The following XIRP2 variants were observed in gnomAD, a reference collection of about 807,000 sequenced individuals.
XIRP2 encodes xin actin binding repeat containing 2, also known as xin actin-binding repeat-containing protein 2.
Under a neutral mutation model 277.0 loss-of-function variants are expected in XIRP2, and 236 were observed. That is an observed-to-expected ratio of 0.85 (90% CI 0.77 to 0.95). XIRP2 has a LOEUF of 0.95. XIRP2 is among the 40% of genes least tolerant of loss of function. The probability of loss-of-function intolerance (pLI) is 0.00; values close to 1 mark genes in which losing one functional copy is unlikely to be tolerated. For synonymous variants in XIRP2, 1,490 were observed against 1,416.5 expected (o/e 1.05, Z -1.17); for missense variants, 4,640 against 4,157.5 (o/e 1.12, Z -3.19).
In XIRP2 at chr2:166,945,460, C is replaced by CA. The variant is rs142611563; in HGVS notation, c.408+41577dup. Among the ~76,000 whole-genome samples the CA allele has an allele frequency of 6.2e-3, 935 of 151,526 alleles. 61 individuals are homozygous for CA. The East Asian group carries it at 0.14, about 23-fold the overall frequency. ...GAGAGCTGTAAAAAGTAAATTGGCT[C>CA]AAAAAAACCTTAAAAATCAAAAAAA... On this transcript the variant is annotated intron_variant, in intron 2 of 10. Transcript: ENST00000409195.
At chr2:166,918,189 G>A (rs564490627) in intron 2 of XIRP2, among the ~76,000 whole-genome samples, 1 of 152,298 alleles carries the variant, frequency 6.6e-6, no homozygotes, top group Admixed American at 6.5e-5. Flanking sequence ...GTAAATGGAA[G>A]TTTATCCACC....
intron 2 of XIRP2, among the ~76,000 whole-genome samples, chr2:167,098,121 T>C (rs1217415311): frequency 6.6e-6 from 1 of 152,228 alleles, no homozygotes; most frequent in Non-Finnish European, 1.5e-5. Context: ...GAGGTTCTCG[T>C]GGATAATATC....
At chr2:167,158,526 T>C (rs1396922484) in intron 3 of XIRP2, among the ~76,000 whole-genome samples, 2 of 152,106 alleles carry the variant, frequency 1.3e-5, no homozygotes, top group Non-Finnish European at 2.9e-5. Context: ...CCAGGAATGG[T>C]GGGATAGAAA....
chr2:166,972,653 T>C lies in XIRP2; in HGVS notation c.408+68763T>C, dbSNP rs868827920. On this transcript the variant is annotated intron_variant, in intron 2 of 10. Transcript: ENST00000409195. ...AAAATGGAGGCTCTGGTAACTTTAT[T>C]TAAATAGTAAAGCAGTTATTTGATG... 5.3e-5 allele frequency among the ~76,000 whole-genome samples: 8 copies of C among 152,284 alleles called. No homozygotes were observed. In the Middle Eastern group the frequency reaches 0.024, roughly 453 times the overall value.
chr2:167,034,334 A>G (rs1231897063), intron 2 of XIRP2, among the ~76,000 whole-genome samples: 1 of 152,098 alleles, frequency 6.6e-6, no homozygotes, highest in Non-Finnish European at 1.5e-5. Flanking sequence ...AAAACATACC[A>G]CCAGAAAAAA....
At chr2:167,082,408 A>G (rs10205854) in intron 2 of XIRP2, among the ~76,000 whole-genome samples, 146,856 of 151,820 alleles carry the variant, frequency 0.97, 71,089 homozygotes, top group Non-Finnish European at 0.99. Flanking sequence ...ATAAACATAC[A>G]TGTGCATGTG....
chr2:167,249,543 T>C lies in XIRP2; in HGVS notation c.8151T>C (p.Thr2717=), dbSNP rs887127505. ...NFKVKTIKLP[T]LDHTLNETDH... ...AAGTTAAAACCATCAAACTTCCAAC[T>C]CTAGATCATACATTAAATGAAACAG... The change falls in exon 9 of 11, where the codon ACT becomes ACC. Residue 2717 remains threonine, a synonymous_variant. Transcript: ENST00000409195. 5 of 1,613,522 alleles carry C rather than the reference T, an allele frequency of 3.1e-6. No homozygotes were observed. In the African/African-American group the frequency reaches 5.3e-5, roughly 17 times the overall value.
intron 1 of XIRP2, among the ~76,000 whole-genome samples, chr2:166,900,293 C>G (rs72882741): frequency 0.25 from 38,100 of 151,832 alleles, 4,918 homozygotes; most frequent in Admixed American, 0.3. Flanking sequence ...TTTAAATGTT[C>G]GTTATTTCTA....
Position 167,257,937 on chromosome 2 carries a change from A to T in XIRP2, c.*120A>T. ...CAACTTTTCAAATCCAAAGGAAATT[A>T]TGATGAAGGTTTTGGACATAAGCAG... is the stretch of plus-strand genomic sequence containing the variant. On this transcript the variant is annotated 3_prime_UTR_variant, in exon 11 of 11. Coordinates refer to ENST00000409195, the MANE Select transcript of XIRP2 (RefSeq NM_152381.6). 2 of 1,612,772 alleles carry T rather than the reference A, an allele frequency of 1.2e-6. No homozygotes were observed. Among genetic ancestry groups the T allele is most frequent in the Non-Finnish European group, 1.7e-6 (2 of 1,179,312 alleles).
chr2:166,924,805 A>C (rs1175081039), intron 2 of XIRP2, among the ~76,000 whole-genome samples: 1 of 152,086 alleles, frequency 6.6e-6, no homozygotes, highest in South Asian at 2.1e-4. Context: ...TTTAAGAGTA[A>C]TGGGAGAATA....
chr2:167,169,380 C>T (rs1297930852), intron 3 of XIRP2, among the ~76,000 whole-genome samples: 2 of 152,206 alleles, frequency 1.3e-5, no homozygotes, highest in East Asian at 3.8e-4. Flanking sequence ...GAGTAGTCCA[C>T]ACTGGACCTC....
intron 2 of XIRP2, among the ~76,000 whole-genome samples, chr2:167,127,886 T>C (rs1006470211): frequency 3.9e-5 from 6 of 152,202 alleles, no homozygotes; most frequent in African/African-American, 1.4e-4. Flanking sequence ...AGTATATGCT[T>C]GTTGGGGTCC....
chr2:167,202,405 G>A (rs986463218), intron 3 of XIRP2, among the ~76,000 whole-genome samples: 4 of 152,114 alleles, frequency 2.6e-5, no homozygotes, highest in Non-Finnish European at 2.9e-5. Flanking sequence ...TACTTCCTAT[G>A]AGATGATAGG....
chr2:167,014,010 T>G (rs953164306), intron 2 of XIRP2, among the ~76,000 whole-genome samples: 3 of 126,026 alleles, frequency 2.4e-5, no homozygotes, highest in African/African-American at 6.9e-5. Context: ...ATTTAGCATT[T>G]GATCACTATC....
intron 2 of XIRP2, among the ~76,000 whole-genome samples, chr2:167,023,092 T>C (rs1688033009): frequency 6.6e-6 from 1 of 152,210 alleles, no homozygotes; most frequent in South Asian, 2.1e-4. Context: ...GTATTCCTAT[T>C]TCTCCACATC....
chr2:167,182,447 A>G (rs933774974), intron 3 of XIRP2, among the ~76,000 whole-genome samples: 72 of 152,210 alleles, frequency 4.7e-4, no homozygotes, highest in African/African-American at 1.6e-3. Context: ...GGGCCTTGCC[A>G]GAGCCTACCT....
chr2:166,896,586 TAAG>T (rs1558906981), intron 1 of XIRP2, among the ~76,000 whole-genome samples: 1 of 152,002 alleles, frequency 6.6e-6, no homozygotes, highest in Non-Finnish European at 1.5e-5. Context: ...TAAGTGTTAT[TAAG>T]AAAGAGTCAA....
At chr2:167,166,792 C>T (rs1283203952) in intron 3 of XIRP2, among the ~76,000 whole-genome samples, 1 of 152,144 alleles carries the variant, frequency 6.6e-6, no homozygotes, top group Non-Finnish European at 1.5e-5. Context: ...TTCCACGAGG[C>T]CTCAACACCA....
At chr2:166,937,903 C>G (rs4398288) in intron 2 of XIRP2, among the ~76,000 whole-genome samples, 30,593 of 152,130 alleles carry the variant, frequency 0.2, 4,402 homozygotes, top group African/African-American at 0.41. Context: ...ATAGTATTCT[C>G]TGATGGTATT....
Sources: gnomAD v4.1 joint callset for allele counts (sites outside exome capture counted in the v4.1 genomes callset) on GRCh38, gnomAD v4.1.1 for gene constraint, MANE v1.5 for transcripts, NCBI Gene and HGNC (gene_info 2026-07-23, HGNC 2026-07-21) for gene names.